Variants in PREX2 observed in about 807,000 individuals in gnomAD.
PREX2 encodes the protein phosphatidylinositol 3,4,5-trisphosphate-dependent Rac exchanger 2 protein.
In PREX2, 107 loss-of-function variants were observed where a neutral mutation model predicts 203.2. The ratio of observed to expected loss-of-function variants is 0.53; its 90% CI spans 0.45 to 0.62. The LOEUF is 0.62. Ranked by LOEUF, PREX2 falls within the 20% of genes least tolerant of loss-of-function variation. PREX2 has a pLI of 0.00. For missense variants in PREX2, 1,777 were observed against 1,955.9 expected (o/e 0.91, Z 1.72); for synonymous variants, 672 against 663.6 (o/e 1.01, Z -0.19).
intron 30 of PREX2, among the ~76,000 whole-genome samples, chr8:68,121,892 G>A (rs1810781410): frequency 6.6e-6 from 1 of 152,126 alleles, no homozygotes; most frequent in South Asian, 2.1e-4. Flanking sequence ...AATGTTAATA[G>A]TGCTAAGGTC....
chr8:68,080,641 A>G (rs1486160808), intron 16 of PREX2, 56 bp downstream of exon 16: 1 of 1,482,486 alleles, frequency 6.7e-7, no homozygotes, highest in African/African-American at 1.4e-5. Flanking sequence ...CTAGCAGAAG[A>G]CTGCGTTAAA....
chr8:68,008,499 A>G (rs1807166749), intron 1 of PREX2, among the ~76,000 whole-genome samples: 1 of 152,196 alleles, frequency 6.6e-6, no homozygotes, highest in Non-Finnish European at 1.5e-5. Flanking sequence ...ATTTTAAGTC[A>G]TGTGTGTTTT....
At chr8:68,199,140 G>A (rs1184959567) in intron 37 of PREX2, among the ~76,000 whole-genome samples, 1 of 137,278 alleles carries the variant, frequency 7.3e-6, no homozygotes, top group African/African-American at 2.9e-5. Context: ...ATTGGCATGG[G>A]GGGGTTCACC....
At chr8:68,217,583 T>C (rs1249369218) in intron 37 of PREX2, 33 bp from the exon 38 acceptor site, 6 of 1,515,538 alleles carry the variant, frequency 4.0e-6, no homozygotes, top group Non-Finnish European at 4.6e-6. Context: ...TCAGGAACCA[T>C]GGGGTCTGAC....
chr8:68,218,320 T>C (rs1365732713), intron 38 of PREX2, among the ~76,000 whole-genome samples: 7 of 152,194 alleles, frequency 4.6e-5, no homozygotes, highest in African/African-American at 1.7e-4. Context: ...AGCCCAATAG[T>C]ATTCTAAGTG....
intron 31 of PREX2, among the ~76,000 whole-genome samples, chr8:68,130,436 A>C (rs1391463020): frequency 6.6e-6 from 1 of 152,210 alleles, no homozygotes; most frequent in African/African-American, 2.4e-5. Flanking sequence ...ATTTTGTTGT[A>C]TTTATGTAAC....
chr8:68,122,238 T>C (rs1175549102), intron 30 of PREX2, among the ~76,000 whole-genome samples: 2 of 152,088 alleles, frequency 1.3e-5, no homozygotes, highest in South Asian at 2.1e-4. Flanking sequence ...GTTTAGAGAT[T>C]AGTAGAAAGG....
intron 1 of PREX2, among the ~76,000 whole-genome samples, chr8:67,984,739 CT>C (rs1806365715): frequency 6.6e-6 from 1 of 152,194 alleles, no homozygotes; most frequent in African/African-American, 2.4e-5. Flanking sequence ...GGAAGTACAG[CT>C]GAGGACTCTC....
chr8:68,056,542 C>G (rs913144623), intron 10 of PREX2, among the ~76,000 whole-genome samples: 4 of 152,078 alleles, frequency 2.6e-5, no homozygotes, highest in African/African-American at 9.7e-5. Flanking sequence ...CTTTGGACAA[C>G]ATTAAGTGGG....
At chr8:68,230,156 T>C (rs1053810638) in intron 39 of PREX2, among the ~76,000 whole-genome samples, 1 of 150,638 alleles carries the variant, frequency 6.6e-6, no homozygotes, top group Non-Finnish European at 1.5e-5. Flanking sequence ...CCAGGAGTTA[T>C]AACTCAATAT....
intron 5 of PREX2, among the ~76,000 whole-genome samples, chr8:68,028,252 T>C (rs946322073): frequency 3.3e-5 from 5 of 151,746 alleles, no homozygotes; most frequent in African/African-American, 1.2e-4. Context: ...TATATAGGAT[T>C]ATATAATGAT....
chr8:67,981,793 C>G (rs992735388), intron 1 of PREX2, among the ~76,000 whole-genome samples: 6 of 152,140 alleles, frequency 3.9e-5, no homozygotes, highest in African/African-American at 1.4e-4. Context: ...AGCTCTGAAG[C>G]CAGTGAGCCC....
At chr8:68,006,906 A>G (rs1288873721) in intron 1 of PREX2, among the ~76,000 whole-genome samples, 3 of 152,246 alleles carry the variant, frequency 2.0e-5, no homozygotes, top group African/African-American at 4.8e-5. Context: ...AGACAAAGCT[A>G]TATAGACAGA....
At chr8:68,171,355 A>G (rs532369991) in intron 35 of PREX2, among the ~76,000 whole-genome samples, 16 of 152,316 alleles carry the variant, frequency 1.1e-4, no homozygotes, top group African/African-American at 3.8e-4. Flanking sequence ...CTACACAAAT[A>G]CTAATCTGAG....
intron 31 of PREX2, among the ~76,000 whole-genome samples, chr8:68,131,765 A>C (rs1267594713): frequency 1.3e-5 from 2 of 152,214 alleles, no homozygotes; most frequent in African/African-American, 4.8e-5. Context: ...TGGCAAAGTT[A>C]TTAATCCTGG....
At chr8:68,081,274 T>C (rs1330319457) in intron 17 of PREX2, among the ~76,000 whole-genome samples, 1 of 152,160 alleles carries the variant, frequency 6.6e-6, no homozygotes, top group Non-Finnish European at 1.5e-5. Flanking sequence ...TATGAGAATG[T>C]AATGCCACGG....
At chr8:67,994,293 A>G (rs922447253) in intron 1 of PREX2, among the ~76,000 whole-genome samples, 3 of 152,218 alleles carry the variant, frequency 2.0e-5, no homozygotes, top group African/African-American at 4.8e-5. Context: ...GAGACAGCTT[A>G]TATTAGTCCA....
In PREX2 at chr8:68,236,687, T is replaced by C. The variant is rs1326300166; in HGVS notation, c.*5309T>C. 1 of 152,156 alleles carries C rather than the reference T, an allele frequency of 6.6e-6. No homozygotes were observed. The highest frequency in any genetic ancestry group is 1.9e-4 in the East Asian group (1 of 5,202). The allele number at this position is 152,156 out of a possible 1,614,324, so 9.4% of individuals were successfully genotyped here. ...GAACAGAGCTTTTTGCCTAAAAATA[T>C]TTTTATAAGTACTCATTTACATAGT... On this transcript the variant is annotated 3_prime_UTR_variant, in exon 40 of 40. Transcript: ENST00000288368.
At chr8:67,976,519 CAGAGACAGAG>C (rs747270404) in intron 1 of PREX2, among the ~76,000 whole-genome samples, 1 of 47,494 alleles carries the variant, frequency 2.1e-5, no homozygotes, top group Non-Finnish European at 4.2e-5. Flanking sequence ...CAGACAGAGA[CAGAGACAGAG>C]AGAGAGAGAC....
Sources: gnomAD v4.1 joint callset for allele counts (sites outside exome capture counted in the v4.1 genomes callset) on GRCh38, gnomAD v4.1.1 for gene constraint, MANE v1.5 for transcripts, NCBI Gene and HGNC (gene_info 2026-07-23, HGNC 2026-07-21) for gene names.